The following ZMYM6 variants were observed in gnomAD, a reference collection of about 807,000 sequenced individuals.
ZMYM6 encodes zinc finger MYM-type containing 6.
Under a neutral mutation model 134.0 loss-of-function variants are expected in ZMYM6, and 90 were observed. The observed-to-expected ratio is 0.67, with a 90% CI of 0.57 to 0.80. The LOEUF is 0.80. Ranked by LOEUF, ZMYM6 falls within the 30% of genes least tolerant of loss-of-function variation. ZMYM6 has a pLI of 0.00. For missense variants in ZMYM6, 1,362 were observed against 1,533.9 expected (o/e 0.89, Z 1.87); for synonymous variants, 481 against 524.1 (o/e 0.92, Z 1.12).
At chr1:34,998,097 G>A (rs1640814486) in intron 14 of ZMYM6, among the ~76,000 whole-genome samples, 1 of 152,050 alleles carries the variant, frequency 6.6e-6, no homozygotes, top group African/African-American at 2.4e-5. Flanking sequence ...TGGCCAAGAT[G>A]GTGAAACCCT....
chr1:35,014,813 T>C lies in ZMYM6; in HGVS notation c.679A>G (p.Thr227Ala), dbSNP rs369950478. 26 of 1,614,054 alleles carry C rather than the reference T, an allele frequency of 1.6e-5. No homozygotes were observed. The highest frequency in any genetic ancestry group is 4.4e-5 in the South Asian group (4 of 91,092). Reference protein sequence around the residue: ...SDACFSKFHSTNNLTMNCCEN... With the variant: ...SDACFSKFHSANNLTMNCCEN... ...CAACAGTTCATGGTGAGGTTGTTTG[T>C]AGAGTGAAATTTTGAAAAACAGGCA... The change falls in exon 6 of 16, where the codon ACA becomes GCA. Residue 227 changes from threonine to alanine, a missense_variant. By Grantham distance (58) the Thr-to-Ala change is moderately conservative. This residue lies in a region of ZMYM6 where 503 missense variants were observed against 520.8 expected (regional missense o/e 0.97). Coordinates refer to ENST00000357182, the MANE Select transcript of ZMYM6 (RefSeq NM_007167.4).
chr1:34,997,682 T>C (rs1437691240), intron 14 of ZMYM6, among the ~76,000 whole-genome samples: 1 of 152,232 alleles, frequency 6.6e-6, no homozygotes, highest in Non-Finnish European at 1.5e-5. Flanking sequence ...TTTTGTCATT[T>C]GTCTTTTGAT....
intron 15 of ZMYM6, chr1:34,989,466 G>A (rs1278199890): frequency 6.5e-6 from 1 of 154,736 alleles, no homozygotes; most frequent in African/African-American, 2.4e-5. Context: ...AAAGCAAGAG[G>A]ATTGCCTGAG....
rs751471301 is a variant in ZMYM6, at chr1:35,005,151, G to A, written c.1935C>T (p.Asn645=). ...TCATACCTTTTAAAACACTGTTAGT[G>A]TTCCCTGTAGATAAGGTAGCAGGTA... ...AKIPATLSTG[N]TNSVLKGAVT... is the part of the protein sequence containing the mutation. The change falls in exon 13 of 16, where the codon AAC becomes AAT. Residue 645 remains asparagine (N), a synonymous_variant. Transcript: ENST00000357182. 1 of 1,614,086 alleles carries A rather than the reference G, an allele frequency of 6.2e-7. No homozygotes were observed. Among genetic ancestry groups the A allele is most frequent in the South Asian group, 1.1e-5 (1 of 91,072 alleles).
rs927365458 is a variant in ZMYM6 at position 34,994,395 on chromosome 1, G to T, written c.1993-2008C>A. ...TATTCAAAAGAGTAAGCCATGCAAA[G>T]GTCTAAGGTCTGAAGAGTCCAGGCA... On this transcript the variant is annotated intron_variant, in intron 14 of 15. Coordinates refer to ENST00000357182, the MANE Select transcript of ZMYM6 (RefSeq NM_007167.4). 2.0e-5 allele frequency among the ~76,000 whole-genome samples: 3 copies of T among 152,124 alleles called. No individual in the cohort carries two copies. In the South Asian group the frequency reaches 6.2e-4, roughly 32 times the overall value.
At chr1:35,021,332 A>C (rs566654238) in intron 2 of ZMYM6, among the ~76,000 whole-genome samples, 1 of 151,920 alleles carries the variant, frequency 6.6e-6, no homozygotes, top group Admixed American at 6.6e-5. Context: ...TCCAGTAGAG[A>C]AGGGGTTTTG....
At position 35,015,087 on chromosome 1, in the gene ZMYM6, T is replaced by C. The variant is rs941426880; in HGVS notation, c.504A>G (p.Gln168=). The C allele has an allele frequency of 5.0e-6, 8 of 1,614,038 alleles. No individual in the cohort carries two copies. The highest frequency in any genetic ancestry group is 3.3e-5 in the Admixed American group (2 of 59,968). ...NSYPSKDFCS[Q]SCLSSYELKK... ...TTAGCTCATAAGATGACAAGCATGA[T>C]TGGCTGCAGAAATCTTTGCTAGGAT... The change falls in exon 5 of 16, where the codon CAA becomes CAG. Residue 168 remains glutamine, a synonymous_variant. Coordinates refer to ENST00000357182, the MANE Select transcript of ZMYM6 (RefSeq NM_007167.4).
intron 14 of ZMYM6, among the ~76,000 whole-genome samples, chr1:35,001,777 A>G (rs1640885624): frequency 6.6e-6 from 1 of 152,130 alleles, no homozygotes; most frequent in Non-Finnish European, 1.5e-5. Context: ...ATTAAGGAGA[A>G]ATTACTATCA....
intron 6 of ZMYM6, chr1:35,013,220 A>T (rs1418002256): frequency 1.4e-6 from 1 of 699,456 alleles, no homozygotes; most frequent in East Asian, 1.3e-4. Context: ...TTTCAACAAC[A>T]GAGTGAGGCG....
At chr1:35,001,346 TAATC>T (rs1640878015) in intron 14 of ZMYM6, among the ~76,000 whole-genome samples, 1 of 151,832 alleles carries the variant, frequency 6.6e-6, no homozygotes, top group Admixed American at 6.6e-5. Context: ...GTAAAAATAT[TAATC>T]AAAACTATTC....
At position 35,015,950 on chromosome 1, in the gene ZMYM6, T is replaced by C. The variant is rs7555340; in HGVS notation, c.429-788A>G. 5.9e-3 allele frequency among the ~76,000 whole-genome samples: 650 copies of C among 109,570 alleles called. 9 individuals carry two copies. Among genetic ancestry groups the C allele is most frequent in the African/African-American group, 0.04 (574 of 14,306 alleles). 71.9% of individuals were successfully genotyped at this position (109,570 alleles called of 152,430 possible). A position where few individuals can be genotyped will look rare whatever the true frequency, so the allele number is the denominator to read the frequency against. On this transcript the variant is annotated intron_variant, in intron 4 of 15. Coordinates refer to ENST00000357182, the MANE Select transcript of ZMYM6 (RefSeq NM_007167.4). ...AATAAATGAATTTTTTCTTTCTTTT[T>C]TTTTTTTTTTTTTGTGAGACGGAGT...
intron 14 of ZMYM6, among the ~76,000 whole-genome samples, chr1:34,998,953 C>T (rs1341567949): frequency 6.6e-6 from 1 of 152,090 alleles, no homozygotes; most frequent in African/African-American, 2.4e-5. Flanking sequence ...GAGACCTCAT[C>T]TCTACTAAAA....
intron 2 of ZMYM6, chr1:35,030,330 G>A: frequency 1.9e-6 from 1 of 522,854 alleles, no homozygotes; most frequent in Non-Finnish European, 3.3e-6. Flanking sequence ...TACACAGGAG[G>A]CTGAGGTGGG....
Position 35,008,779 on chromosome 1 carries a change from CA to C in ZMYM6, c.1637del (p.Met546SerfsTer23), listed in dbSNP as rs1641033322. The C allele has an allele frequency of 1.2e-6, 2 of 1,613,680 alleles. No homozygotes were observed. The highest frequency in any genetic ancestry group is 1.7e-6 in the Non-Finnish European group (2 of 1,179,920). ...KLEEFCCEDC[M>X]SKFTVLFYQM... ...GATAAAACAGAACTGTAAATTTGGA[CA>C]TACAATCTTCACAACAAAACTCTTC... On this transcript the variant is annotated frameshift_variant, in exon 11 of 16. Transcript: ENST00000357182. LOFTEE classifies it high-confidence loss of function.
In ZMYM6 at chr1:34,988,213, T is replaced by C. The variant is rs1477056371; in HGVS notation, c.2869A>G (p.Ile957Val). 2 of 1,548,826 alleles carry C rather than the reference T, an allele frequency of 1.3e-6. No homozygotes were observed. The highest frequency in any genetic ancestry group is 2.7e-5 in the African/African-American group (2 of 72,910). Residue 957 changes from isoleucine to valine, a missense_variant, in exon 16 of 16, where the codon ATA becomes GTA. Ile to Val is a conservative substitution (Grantham distance 29). Around this residue, in one of 3 missense-constraint regions of ZMYM6, gnomAD observed 824 missense variants for 940.9 expected, o/e 0.88. Transcript: ENST00000357182. ...EMPTQITGFE[I>V]FELINKYIDS... ...ATATATTTATTTATTAGTTCAAATA[T>C]TTCAAAGCCAGTTATTTGAGTAGGC...
chr1:35,030,503 A>G (rs774146577), intron 2 of ZMYM6, 44 bp downstream of exon 2: 1 of 1,567,918 alleles, frequency 6.4e-7, no homozygotes, highest in African/African-American at 1.4e-5. Flanking sequence ...CAGATGGAAA[A>G]GAAGGAATTT....
intron 8 of ZMYM6, 92 bp from the exon 9 acceptor site, chr1:35,011,128 C>T (rs1039579470): frequency 1.5e-6 from 2 of 1,342,908 alleles, no homozygotes; most frequent in Non-Finnish European, 2.0e-6. Context: ...AATCAAGTCT[C>T]CCACAAACAT....
chr1:35,028,163 A>C (rs1641448588), intron 2 of ZMYM6, among the ~76,000 whole-genome samples: 1 of 151,990 alleles, frequency 6.6e-6, no homozygotes, highest in Non-Finnish European at 1.5e-5. Flanking sequence ...AAAAATATAA[A>C]AAATTAGCCA....
chr1:35,002,006 A>G (rs1345245423), intron 14 of ZMYM6, among the ~76,000 whole-genome samples: 1 of 152,226 alleles, frequency 6.6e-6, no homozygotes, highest in Non-Finnish European at 1.5e-5. Context: ...CACGAACAGC[A>G]ATCCACATTT....
Sources: gnomAD v4.1 joint callset for allele counts (sites outside exome capture counted in the v4.1 genomes callset) on GRCh38, gnomAD v4.1.1 for gene constraint, gnomAD v4.1.1 regional missense constraint, MANE v1.5 for transcripts, NCBI Gene and HGNC (gene_info 2026-07-23, HGNC 2026-07-21) for gene names.